The following ANK3 variants were observed in gnomAD, a reference collection of about 807,000 sequenced individuals.
ANK3 encodes the protein ankyrin 3, also known as ankyrin-3.
A neutral mutation model predicts 370.9 loss-of-function variants in ANK3; 57 were observed. That is an observed-to-expected ratio of 0.15 (90% CI 0.12 to 0.19). ANK3 has a LOEUF of 0.19. Ranked by LOEUF, ANK3 falls within the 10% of genes least tolerant of loss-of-function variation. ANK3 has a pLI of 1.00. For missense variants in ANK3, 4,439 were observed against 5,302.1 expected, an observed-to-expected ratio of 0.84 and a Z score of 5.06; for synonymous variants, 1,929 against 1,946.3, an observed-to-expected ratio of 0.99 and a Z score of 0.23.
intron 1 of ANK3, chr10:60,684,921 G>A: frequency 6.7e-7 from 1 of 1,500,778 alleles, no homozygotes; most frequent in African/African-American, 1.4e-5. Context: ...AAGACTTGGA[G>A]AACTCATTAT....
At chr10:60,588,868 C>T (rs1567167146) in intron 2 of ANK3, among the ~76,000 whole-genome samples, 1 of 152,116 alleles carries the variant, frequency 6.6e-6, no homozygotes, top group Non-Finnish European at 1.5e-5. Context: ...CATGTTCGCG[C>T]CACTGGACTC....
chr10:60,554,805 T>C (rs1041207486), intron 2 of ANK3, among the ~76,000 whole-genome samples: 2 of 152,210 alleles, frequency 1.3e-5, no homozygotes, highest in African/African-American at 4.8e-5. Context: ...CTGATAATTA[T>C]ACACAGTTTG....
intron 2 of ANK3, among the ~76,000 whole-genome samples, chr10:60,610,371 G>C (rs1237340066): frequency 1.3e-5 from 2 of 151,980 alleles, no homozygotes; most frequent in African/African-American, 2.4e-5. Flanking sequence ...AAATTAGCTG[G>C]GTGTAGTGGT....
At chr10:60,226,304 G>A (rs1445674945) in intron 8 of ANK3, among the ~76,000 whole-genome samples, 6 of 106,660 alleles carry the variant, frequency 5.6e-5, no homozygotes, top group East Asian at 6.2e-4. Flanking sequence ...TATAGTATAT[G>A]TAATACTATA....
At chr10:60,404,997 A>C (rs1357311315) in intron 2 of ANK3, among the ~76,000 whole-genome samples, 4 of 152,198 alleles carry the variant, frequency 2.6e-5, no homozygotes. Flanking sequence ...CATCTACCAG[A>C]AAGGCTAAAA....
At chr10:60,686,186 G>A (rs2079265779) in intron 1 of ANK3, among the ~76,000 whole-genome samples, 1 of 151,718 alleles carries the variant, frequency 6.6e-6, no homozygotes, top group South Asian at 2.1e-4. Flanking sequence ...TAAGACAATA[G>A]GTAAAATACA....
At chr10:60,603,955 A>T (rs188376749) in intron 2 of ANK3, among the ~76,000 whole-genome samples, 1 of 152,196 alleles carries the variant, frequency 6.6e-6, no homozygotes, top group South Asian at 2.1e-4. Flanking sequence ...ATTGGTTACA[A>T]GCATTTATTC....
At chr10:60,465,776 CT>C in intron 2 of ANK3, among the ~76,000 whole-genome samples, 1 of 132,920 alleles carries the variant, frequency 7.5e-6, no homozygotes, top group African/African-American at 2.8e-5. Context: ...TTTTCTTTTT[CT>C]TTTTTTTCTT....
chr10:60,345,145 T>C (rs539162097), intron 1 of ANK3, among the ~76,000 whole-genome samples: 1 of 152,178 alleles, frequency 6.6e-6, no homozygotes, highest in Non-Finnish European at 1.5e-5. Context: ...CAACTGAGCA[T>C]TAAACTAGAT....
intron 1 of ANK3, among the ~76,000 whole-genome samples, chr10:60,707,986 A>T (rs1016114155): frequency 5.3e-5 from 8 of 152,188 alleles, no homozygotes; most frequent in Admixed American, 2.6e-4. Flanking sequence ...ATTGAATCCC[A>T]GGTACTACAC....
upstream of ANK3, among the ~76,000 whole-genome samples, chr10:60,394,369 A>G (rs2063172400): frequency 6.6e-6 from 1 of 152,026 alleles, no homozygotes; most frequent in African/African-American, 2.4e-5. Context: ...GCATTGAGGG[A>G]CTGGTAGCCA....
chr10:60,084,421 A>G (rs1333491526), intron 32 of ANK3, 181 bp downstream of exon 32: 2 of 315,838 alleles, frequency 6.3e-6, no homozygotes, highest in African/African-American at 4.3e-5. Context: ...AAAAAAAATT[A>G]AATTAAATTA....
intron 1 of ANK3, among the ~76,000 whole-genome samples, chr10:60,286,055 C>T (rs986087825): frequency 6.6e-6 from 1 of 152,046 alleles, no homozygotes; most frequent in Non-Finnish European, 1.5e-5. Context: ...GCATATCATA[C>T]ATTTAAAAAA....
intron 2 of ANK3, among the ~76,000 whole-genome samples, chr10:60,407,617 C>T (rs527272783): frequency 7.2e-5 from 11 of 152,112 alleles, no homozygotes; most frequent in African/African-American, 1.9e-4. Context: ...TCAATGTGTA[C>T]GGAAAAGCTG....
intron 17 of ANK3, among the ~76,000 whole-genome samples, chr10:60,184,970 A>T (rs997267605): frequency 2.0e-5 from 3 of 152,204 alleles, no homozygotes; most frequent in Middle Eastern, 3.2e-3. Context: ...TTTGTCATAA[A>T]GACAAATTGA....
intron 2 of ANK3, among the ~76,000 whole-genome samples, chr10:60,458,186 G>A (rs1312146977): frequency 6.6e-6 from 1 of 152,092 alleles, no homozygotes; most frequent in East Asian, 1.9e-4. Context: ...CATCCTGCAA[G>A]TACAGATGGA....
chr10:60,055,052 C>G (rs1487815157), intron 42 of ANK3, among the ~76,000 whole-genome samples: 1 of 152,174 alleles, frequency 6.6e-6, no homozygotes, highest in African/African-American at 2.4e-5. Flanking sequence ...ATTAGAAATA[C>G]ATGTTAAGAC....
intron 43 of ANK3, among the ~76,000 whole-genome samples, chr10:60,039,114 T>C (rs1292270426): frequency 6.6e-6 from 1 of 152,242 alleles, no homozygotes; most frequent in Non-Finnish European, 1.5e-5. Flanking sequence ...CCATGAAGCA[T>C]TTATTCACTA....
chr10:60,731,398 T>C (rs2080020150), intron 1 of ANK3, among the ~76,000 whole-genome samples: 1 of 152,222 alleles, frequency 6.6e-6, no homozygotes, highest in Non-Finnish European at 1.5e-5. Context: ...ATATCTGCTA[T>C]GGAGTGTAAC....
Sources: allele counts gnomAD v4.1 joint callset (sites outside exome capture counted in the v4.1 genomes callset), GRCh38; gene constraint gnomAD v4.1.1; transcripts MANE v1.5; gene names NCBI Gene and HGNC (gene_info 2026-07-23, HGNC 2026-07-21).